MAP4K3: variants seen among roughly 807,000 people sequenced by gnomAD.
MAP4K3 encodes the protein mitogen-activated protein kinase kinase kinase kinase 3, also known as MAPK/ERK kinase kinase kinase 3.
MAP4K3 carries 94 observed loss-of-function variants against 143.5 expected under a neutral mutation model. The ratio of observed to expected loss-of-function variants is 0.65; its 90% CI spans 0.55 to 0.78. The LOEUF (loss-of-function observed/expected upper bound fraction) is 0.78, where lower values mean the gene tolerates loss of function less well. Ranked by LOEUF, MAP4K3 falls within the 30% of genes least tolerant of loss-of-function variation. MAP4K3 has a pLI of 0.00. For synonymous variants in MAP4K3, 416 were observed against 347.2 expected (o/e 1.20, Z -2.20); for missense variants, 1,077 against 1,068.1 (o/e 1.01, Z -0.12).
At chr2:39,402,625 C>T (rs1666979871) in intron 1 of MAP4K3, among the ~76,000 whole-genome samples, 1 of 151,590 alleles carries the variant, frequency 6.6e-6, no homozygotes, top group Non-Finnish European at 1.5e-5. Context: ...CTCAAGTAAG[C>T]AGAAGAAAGA....
chr2:39,346,880 G>A lies in MAP4K3; in HGVS notation c.246-3428C>T, dbSNP rs1337270382. 2.0e-5 allele frequency among the ~76,000 whole-genome samples: 3 copies of A among 151,934 alleles called. No homozygotes were observed. In the East Asian group the frequency reaches 5.8e-4, roughly 29 times the overall value. ...GGCTCTGGCAAGTCAACAATATTTG[G>A]AATGCTGCTTAGGCTCCAATTTGGA... On this transcript the variant is annotated intron_variant, in intron 3 of 33. Coordinates refer to ENST00000263881, the MANE Select transcript of MAP4K3 (RefSeq NM_003618.4).
At chr2:39,432,494 G>C (rs1665320839) in intron 1 of MAP4K3, among the ~76,000 whole-genome samples, 1 of 152,214 alleles carries the variant, frequency 6.6e-6, no homozygotes, top group Non-Finnish European at 1.5e-5. Flanking sequence ...GAGTCTATTA[G>C]AGTCTATCCT....
At chr2:39,282,594 G>C (rs751041820) in intron 21 of MAP4K3, 40 bp from the exon 22 acceptor site, 3 of 1,392,068 alleles carry the variant, frequency 2.2e-6, no homozygotes, top group Non-Finnish European at 3.0e-6. Flanking sequence ...TTTTTTTGCT[G>C]CTGTTTGATA....
At chr2:39,393,009 A>G (rs1666710192) in intron 1 of MAP4K3, among the ~76,000 whole-genome samples, 3 of 152,232 alleles carry the variant, frequency 2.0e-5, no homozygotes, top group Admixed American at 2.0e-4. Flanking sequence ...GTTAAGAACC[A>G]CTTCTCTAAG....
intron 1 of MAP4K3, among the ~76,000 whole-genome samples, chr2:39,404,551 C>G (rs1030047420): frequency 6.6e-6 from 1 of 151,440 alleles, no homozygotes; most frequent in Non-Finnish European, 1.5e-5. Flanking sequence ...TGAGTACCAG[C>G]TCAGCCACAG....
intron 21 of MAP4K3, among the ~76,000 whole-genome samples, chr2:39,285,597 AATAAT>A (rs1681736399): frequency 1.3e-5 from 2 of 150,952 alleles, no homozygotes; most frequent in African/African-American, 2.5e-5. Flanking sequence ...GAATTTTAAG[AATAAT>A]ATGTCATATT....
rs1331976708 is a variant in MAP4K3, at chr2:39,348,332, C to A, written c.246-4880G>T. 2.0e-5 allele frequency among the ~76,000 whole-genome samples: 3 copies of A among 151,818 alleles called. No individual in the cohort carries two copies. In the East Asian group the frequency reaches 5.8e-4, roughly 29 times the overall value. On this transcript the variant is annotated intron_variant, in intron 3 of 33. Transcript: ENST00000263881. ...CATCCTATGTAAAATGACTTTCCAG[C>A]TTATAGGCAGAAAAAAAAATCACGA...
rs1292739430 is a variant in MAP4K3 at position 39,337,766 on chromosome 2, T to G, written c.311-185A>C. ...GCCTGGCTCCAGTTTTTTTTTTTTT[T>G]TTTTTTTTTTTTTTGAGACAGGGTC... is the stretch of plus-strand genomic sequence containing the variant. On this transcript the variant is annotated intron_variant, in intron 4 of 33. Coordinates refer to ENST00000263881, the MANE Select transcript of MAP4K3 (RefSeq NM_003618.4). Among the ~76,000 whole-genome samples the G allele has an allele frequency of 6.6e-5, 9 of 136,106 alleles. No homozygotes were observed. The South Asian group carries it at 2.3e-3, about 35-fold the overall frequency. The allele number at this position is 136,106 out of a possible 152,430, so 89.3% of individuals were successfully genotyped here. A position where few individuals can be genotyped will look rare whatever the true frequency, so the allele number is the denominator to read the frequency against.
chr2:39,256,237 C>T (rs1261118267), intron 31 of MAP4K3, among the ~76,000 whole-genome samples: 1 of 152,052 alleles, frequency 6.6e-6, no homozygotes, highest in African/African-American at 2.4e-5. Context: ...ATAATCATAC[C>T]ATCAGCAAAA....
intron 26 of MAP4K3, among the ~76,000 whole-genome samples, chr2:39,269,662 G>A (rs1254618852): frequency 6.6e-5 from 10 of 151,946 alleles, no homozygotes; most frequent in Admixed American, 6.6e-4. Flanking sequence ...TGCAAGGTAA[G>A]CTGTCAAAAA....
At chr2:39,409,019 T>C (rs1039294248) in intron 1 of MAP4K3, among the ~76,000 whole-genome samples, 2 of 152,182 alleles carry the variant, frequency 1.3e-5, no homozygotes, top group African/African-American at 4.8e-5. Flanking sequence ...TTCTGTAAAG[T>C]TATACTGTGC....
At chr2:39,340,759 G>T (rs911643203) in intron 4 of MAP4K3, among the ~76,000 whole-genome samples, 1 of 152,136 alleles carries the variant, frequency 6.6e-6, no homozygotes, top group Non-Finnish European at 1.5e-5. Flanking sequence ...AAAAATAATG[G>T]AGGGAGATAT....
intron 2 of MAP4K3, among the ~76,000 whole-genome samples, chr2:39,363,966 C>T (rs1225896550): frequency 7.2e-6 from 1 of 138,680 alleles, no homozygotes; most frequent in African/African-American, 2.6e-5. Context: ...CATAATGTCA[C>T]TTCTCACCTG....
intron 8 of MAP4K3, among the ~76,000 whole-genome samples, chr2:39,327,350 A>G (rs1180890938): frequency 1.3e-5 from 2 of 152,202 alleles, no homozygotes; most frequent in Non-Finnish European, 2.9e-5. Flanking sequence ...TAAAAAATGT[A>G]TTTATTCAGA....
intron 4 of MAP4K3, among the ~76,000 whole-genome samples, chr2:39,343,050 T>C (rs1665186562): frequency 6.6e-6 from 1 of 152,186 alleles, no homozygotes; most frequent in African/African-American, 2.4e-5. Context: ...ATTATCTTTG[T>C]ATTATCACTA....
chr2:39,327,036 A>G (rs1427588622), intron 8 of MAP4K3, among the ~76,000 whole-genome samples: 1 of 152,180 alleles, frequency 6.6e-6, no homozygotes, highest in Non-Finnish European at 1.5e-5. Context: ...ACTAGTTACT[A>G]AAAAGGTTTA....
At chr2:39,426,665 T>C (rs1665098011) in intron 1 of MAP4K3, among the ~76,000 whole-genome samples, 1 of 152,094 alleles carries the variant, frequency 6.6e-6, no homozygotes, top group South Asian at 2.1e-4. Flanking sequence ...ATTTTATTTT[T>C]ATTATTCTCT....
chr2:39,379,658 T>G (rs1293708624), intron 1 of MAP4K3: 3 of 163,464 alleles, frequency 1.8e-5, no homozygotes, highest in Admixed American at 6.5e-5. Context: ...CCTCACACTT[T>G]GATATCTTTT....
chr2:39,282,621 C>G, intron 21 of MAP4K3, 67 bp from the exon 22 acceptor site: 2 of 1,025,430 alleles, frequency 2.0e-6, no homozygotes, highest in South Asian at 1.4e-5. Flanking sequence ...TACTGTATTT[C>G]AAACACATTT....
Sources: allele counts gnomAD v4.1 joint callset (sites outside exome capture counted in the v4.1 genomes callset), GRCh38; gene constraint gnomAD v4.1.1; transcripts MANE v1.5; gene names NCBI Gene and HGNC (gene_info 2026-07-23, HGNC 2026-07-21).